The following TSPAN9 variants were observed in gnomAD, a reference collection of about 807,000 sequenced individuals.
The protein encoded by TSPAN9 is tetraspanin 9.
In TSPAN9, 16 loss-of-function variants were observed where a neutral mutation model predicts 31.0. That is an observed-to-expected ratio of 0.52 (90% confidence interval 0.35 to 0.78). The LOEUF is 0.78. Among genes scored for constraint, TSPAN9 ranks in the 30% least tolerant of loss-of-function variants. The probability of loss-of-function intolerance (pLI) is 0.01; values close to 1 mark genes in which losing one functional copy is unlikely to be tolerated. For synonymous variants in TSPAN9, 145 were observed against 121.6 expected, an observed-to-expected ratio of 1.19 and a Z score of -1.27; for missense variants, 272 against 312.5, an observed-to-expected ratio of 0.87 and a Z score of 0.98.
intron 2 of TSPAN9, among the ~76,000 whole-genome samples, chr12:3,199,091 G>C (rs573216238): frequency 6.6e-6 from 1 of 152,294 alleles, no homozygotes; most frequent in South Asian, 2.1e-4. Flanking sequence ...TCTCATATCT[G>C]TTTCTTCGAG....
At chr12:3,209,832 G>A (rs1224088441) in intron 3 of TSPAN9, among the ~76,000 whole-genome samples, 2 of 151,938 alleles carry the variant, frequency 1.3e-5, no homozygotes, top group Non-Finnish European at 2.9e-5. Context: ...GGTGGTGGGC[G>A]CCTGTAGTCC....
intron 3 of TSPAN9, among the ~76,000 whole-genome samples, chr12:3,208,720 A>G (rs952724407): frequency 2.0e-5 from 3 of 152,230 alleles, no homozygotes; most frequent in African/African-American, 4.8e-5. Context: ...AAAAAATCAT[A>G]AAACAAACGC....
chr12:3,207,605 G>A (rs986464586), intron 3 of TSPAN9, among the ~76,000 whole-genome samples: 87 of 152,328 alleles, frequency 5.7e-4, no homozygotes, highest in African/African-American at 1.8e-3. Flanking sequence ...GTGAGTCCCT[G>A]GTTTGATTCA....
intron 3 of TSPAN9, among the ~76,000 whole-genome samples, chr12:3,237,601 CTCT>C (rs72050665): frequency 0.084 from 12,779 of 152,284 alleles, 636 homozygotes; most frequent in Middle Eastern, 0.14. Context: ...TCTTAGCCCA[CTCT>C]TCTTTCTCTG....
At chr12:3,181,000 G>A (rs1337644917) in intron 2 of TSPAN9, among the ~76,000 whole-genome samples, 1 of 151,874 alleles carries the variant, frequency 6.6e-6, no homozygotes, top group Non-Finnish European at 1.5e-5. Flanking sequence ...GAGGGCACTG[G>A]TAGACCAGGA....
intron 2 of TSPAN9, among the ~76,000 whole-genome samples, chr12:3,117,260 G>A (rs369149133): frequency 3.4e-4 from 52 of 152,280 alleles, no homozygotes; most frequent in African/African-American, 1.1e-3. Context: ...TGTGATGGGA[G>A]GGTTTTGAGT....
At chr12:3,109,048 G>A (rs2098316282) in intron 2 of TSPAN9, among the ~76,000 whole-genome samples, 2 of 151,760 alleles carry the variant, frequency 1.3e-5, no homozygotes, top group South Asian at 4.1e-4. Context: ...CCATTCTCCT[G>A]TCTCAGCCTC....
intron 2 of TSPAN9, among the ~76,000 whole-genome samples, chr12:3,154,854 C>T (rs1007470738): frequency 6.6e-6 from 1 of 152,246 alleles, no homozygotes. Flanking sequence ...CCAGTCATCA[C>T]TACATGGCAT....
At chr12:3,273,738 C>G (rs954101700) in intron 3 of TSPAN9, among the ~76,000 whole-genome samples, 2 of 152,176 alleles carry the variant, frequency 1.3e-5, no homozygotes, top group African/African-American at 2.4e-5. Flanking sequence ...TCTCCCTGCC[C>G]GCTGCACTGG....
At chr12:3,229,804 C>T (rs967771340) in intron 3 of TSPAN9, among the ~76,000 whole-genome samples, 7 of 152,246 alleles carry the variant, frequency 4.6e-5, no homozygotes, top group Non-Finnish European at 8.8e-5. Flanking sequence ...AAGCCCCTTC[C>T]AGCCATCTCT....
At chr12:3,239,054 CT>C (rs1317918762) in intron 3 of TSPAN9, among the ~76,000 whole-genome samples, 1 of 152,234 alleles carries the variant, frequency 6.6e-6, no homozygotes, top group East Asian at 1.9e-4. Flanking sequence ...GATTCATCCC[CT>C]GATCATGCCT....
chr12:3,231,957 C>A (rs964456818), intron 3 of TSPAN9, among the ~76,000 whole-genome samples: 2 of 152,244 alleles, frequency 1.3e-5, no homozygotes, highest in African/African-American at 2.4e-5. Flanking sequence ...CTGGAAGTAC[C>A]CTGCTTATCC....
rs2098349687 is a variant in TSPAN9 at position 3,168,251 on chromosome 12, A to C, written c.-17-32926A>C. Among the ~76,000 whole-genome samples, 1 of 152,216 alleles carries C rather than the reference A, an allele frequency of 6.6e-6. No individual in the cohort carries two copies. Among genetic ancestry groups the C allele is most frequent in the South Asian group, 2.1e-4 (1 of 4,826 alleles). ...AATCTTCATCCCTCTACACTGTGCC[A>C]GCTCTTTCCAGATGCTTCAAACCTT... On this transcript the variant is annotated intron_variant, in intron 2 of 8. Transcript: ENST00000011898. The surrounding 1 kb of genome is among the most constrained non-coding windows in gnomAD (Gnocchi z 4.0).
rs1295303785 is a variant in TSPAN9, at chr12:3,143,874, C to T, written c.-17-57303C>T. Among the ~76,000 whole-genome samples, 1 of 152,154 alleles carries T rather than the reference C, an allele frequency of 6.6e-6. No individual in the cohort carries two copies. The highest frequency in any genetic ancestry group is 2.4e-5 in the African/African-American group (1 of 41,434). Reference sequence around the variant, plus strand: ...TCAATCACTTCTCTAAGGAGCTCTGCTTCTTTTTGCTGGAGCATGGTGTTT... The same window carrying T: ...TCAATCACTTCTCTAAGGAGCTCTGTTTCTTTTTGCTGGAGCATGGTGTTT... On this transcript the variant is annotated intron_variant, in intron 2 of 8. Coordinates refer to ENST00000011898, the MANE Select transcript of TSPAN9 (RefSeq NM_006675.5). This position sits in a 1 kb window ranked among gnomAD's most constrained non-coding sequence, Gnocchi z 4.2.
chr12:3,263,517 G>A, intron 3 of TSPAN9, among the ~76,000 whole-genome samples: 1 of 152,346 alleles, frequency 6.6e-6, no homozygotes, highest in East Asian at 1.9e-4. Flanking sequence ...AGGTGGTGTA[G>A]CAACGCACCG....
Position 3,172,832 on chromosome 12 carries a change from C to CAT in TSPAN9, c.-17-28344_-17-28343dup, listed in dbSNP as rs1157415887. On this transcript the variant is annotated intron_variant, in intron 2 of 8. Transcript: ENST00000011898. This position sits in a 1 kb window ranked among gnomAD's most constrained non-coding sequence, Gnocchi z 4.8. The stretch of plus-strand genomic sequence containing the variant: ...CTGCAGGGAATACCAAGCACGTAGG[C>CAT]ATGGAAAGGTAACTAACCGCACGCG... 6.6e-6 allele frequency: 1 copy of CAT among 152,230 alleles called. No individual in the cohort carries two copies. The highest frequency in any genetic ancestry group is 1.5e-5 in the Non-Finnish European group (1 of 68,062). 9.4% of individuals were successfully genotyped at this position (152,230 alleles called of 1,614,324 possible). A position where few individuals can be genotyped will look rare whatever the true frequency, so the allele number is the denominator to read the frequency against.
Position 3,280,486 on chromosome 12 carries a change from G to GC in TSPAN9, c.432+4dup. On this transcript the variant is annotated splice_donor_region_variant and intron_variant, in intron 6 of 8. Coordinates refer to ENST00000011898, the MANE Select transcript of TSPAN9 (RefSeq NM_006675.5). The surrounding 1 kb of genome is among the most constrained non-coding windows in gnomAD (Gnocchi z 4.5). ...CCTGGAACATCATCCAGGCTGAGGT[G>GC]CGGGCTGGGCCGCCCTGGTGGGGCC... 1 of 1,610,824 alleles carries GC rather than the reference G, an allele frequency of 6.2e-7. No individual in the cohort carries two copies. Among genetic ancestry groups the GC allele is most frequent in the Non-Finnish European group, 8.5e-7 (1 of 1,179,674 alleles).
Position 3,153,916 on chromosome 12 carries a change from C to A in TSPAN9, c.-17-47261C>A, listed in dbSNP as rs190951220. Among the ~76,000 whole-genome samples, 5 of 151,298 alleles carry A rather than the reference C, an allele frequency of 3.3e-5. No individual in the cohort carries two copies. In the East Asian group the frequency reaches 5.8e-4, roughly 18 times the overall value. On this transcript the variant is annotated intron_variant, in intron 2 of 8. Coordinates refer to ENST00000011898, the MANE Select transcript of TSPAN9 (RefSeq NM_006675.5). ...TGTTTCTCTGTCTAGCTGTCTGTTC[C>A]CCTTTCCTACTGTTGAATGTGCAGC... is the stretch of plus-strand genomic sequence containing the variant.
intron 2 of TSPAN9, among the ~76,000 whole-genome samples, chr12:3,095,896 C>G (rs1271337405): frequency 6.7e-6 from 1 of 148,342 alleles, no homozygotes; most frequent in Non-Finnish European, 1.5e-5. Context: ...AGACGATGGG[C>G]GGCCAGGCAG....
Sources: allele counts gnomAD v4.1 joint callset (sites outside exome capture counted in the v4.1 genomes callset), GRCh38; gene constraint gnomAD v4.1.1; non-coding constraint Gnocchi (gnomAD v3.1); transcripts MANE v1.5; gene names NCBI Gene and HGNC (gene_info 2026-07-23, HGNC 2026-07-21).